The following KIF1A variants were observed in gnomAD, a reference collection of about 807,000 sequenced individuals.
The protein encoded by KIF1A is kinesin family member 1A.
Under a neutral mutation model 227.3 loss-of-function variants are expected in KIF1A, and 46 were observed. The observed-to-expected ratio is 0.20, with a 90% CI of 0.16 to 0.26. The LOEUF (loss-of-function observed/expected upper bound fraction) is 0.26. Ranked by LOEUF, KIF1A falls within the 10% of genes least tolerant of loss-of-function variation. The probability of loss-of-function intolerance (pLI) is 1.00; values close to 1 mark genes in which losing one functional copy is unlikely to be tolerated. For synonymous variants in KIF1A, 1,022 were observed against 1,012.8 expected (o/e 1.01, Z -0.17); for missense variants, 1,683 against 2,485.9 (o/e 0.68, Z 6.87).
chr2:240,809,886 TAA>T lies in KIF1A; in HGVS notation c.-61+10234_-61+10235del, dbSNP rs11336419. 3.3e-3 allele frequency among the ~76,000 whole-genome samples: 478 copies of T among 145,610 alleles called. 1 individual carries two copies. The highest frequency in any genetic ancestry group is 0.011 in the Middle Eastern group (3 of 280). ...ATGTACCCTAGAACTTAAAGTATAA[TAA>T]AAAAAAAAAAAAGAGTTTCTTGTGC... On this transcript the variant is annotated intron_variant, in intron 1 of 48. Coordinates refer to ENST00000498729, the MANE Select transcript of KIF1A (RefSeq NM_001244008.2).
Position 240,780,760 on chromosome 2 carries a change from CCACACAGCTCCACACACACACACACACA to C in KIF1A, c.882+1802_882+1829del, listed in dbSNP as rs1298922419. ...GGACACACAGTTCTCTGCAGGCTCC[CCACACAGCTCCACACACACACACACACA>C]CACACAGCTCCACACACACACACAC... On this transcript the variant is annotated intron_variant, in intron 10 of 48. Transcript: ENST00000498729. Among the ~76,000 whole-genome samples the C allele has an allele frequency of 6.2e-4, 85 of 138,200 alleles. 5 individuals carry two copies. The highest frequency in any genetic ancestry group is 8.8e-4 in the South Asian group (4 of 4,536). 90.7% of individuals were successfully genotyped at this position (138,200 alleles called of 152,430 possible).
chr2:240,788,007 G>A lies in KIF1A; in HGVS notation c.363+44C>T, dbSNP rs371817845. On this transcript the variant is annotated intron_variant, in intron 4 of 48. Coordinates refer to ENST00000498729, the MANE Select transcript of KIF1A (RefSeq NM_001244008.2). This position sits in a 1 kb window ranked among gnomAD's most constrained non-coding sequence, Gnocchi z 6.6. ...GGAGCTCTCAGCCTCAGCTGGTCCC[G>A]CCCCATCTGCCAGGGCTGCCCCCGC... 132 of 1,521,338 alleles carry A rather than the reference G, an allele frequency of 8.7e-5. No individual in the cohort carries two copies. In the Admixed American group the frequency reaches 1.6e-3, roughly 18 times the overall value. 94.2% of individuals were successfully genotyped at this position (1,521,338 alleles called of 1,614,324 possible).
intron 38 of KIF1A, chr2:240,734,852 A>G (rs1575542996): frequency 1.2e-6 from 1 of 818,676 alleles, no homozygotes; most frequent in East Asian, 6.3e-5. Context: ...GCCCACTCTG[A>G]GCCAGGGAGG....
chr2:240,744,036 A>G lies in KIF1A; in HGVS notation c.3490T>C (p.Phe1164Leu). Residue 1164 changes from phenylalanine to leucine, a missense_variant, in exon 33 of 49, where the codon TTC becomes CTC. Phe to Leu is a conservative substitution (Grantham distance 22). Around this residue, in one of 12 missense-constraint regions of KIF1A, gnomAD observed 759 missense variants for 1,020.2 expected, o/e 0.74. Transcript: ENST00000498729. Reference sequence around the variant, plus strand: ...GGCTGGCTCTTGATGTACTCAATGAAGGACTTGGTCACCTCCACTGCGATC... The same window carrying G: ...GGCTGGCTCTTGATGTACTCAATGAGGGACTTGGTCACCTCCACTGCGATC... ...QNIAVEVTKS[F>L]IEYIKSQPIV... 6.2e-7 allele frequency: 1 copy of G among 1,613,636 alleles called. No homozygotes were observed. The highest frequency in any genetic ancestry group is 1.1e-5 in the South Asian group (1 of 91,082).
chr2:240,719,735 A>G, intron 46 of KIF1A, 39 bp downstream of exon 46: 1 of 1,502,516 alleles, frequency 6.7e-7, no homozygotes, highest in Non-Finnish European at 8.9e-7. Context: ...CTGTCAGCAC[A>G]GAGCTGGTGG....
At chr2:240,718,720 A>G (rs1484972644) in intron 47 of KIF1A, among the ~76,000 whole-genome samples, 4 of 152,214 alleles carry the variant, frequency 2.6e-5, no homozygotes, top group African/African-American at 9.7e-5. Flanking sequence ...AGGAGGGGAC[A>G]TGGCTGTGGC....
intron 38 of KIF1A, among the ~76,000 whole-genome samples, chr2:240,732,763 T>G (rs1341115762): frequency 4.9e-5 from 2 of 40,422 alleles, no homozygotes; most frequent in Non-Finnish European, 4.5e-5. Context: ...TAAGGGGGAA[T>G]GAGGGAGGGA....
Position 240,813,503 on chromosome 2 carries a change from C to CT in KIF1A, c.-61+6618dup, listed in dbSNP as rs112499724. On this transcript the variant is annotated intron_variant, in intron 1 of 48. Coordinates refer to ENST00000498729, the MANE Select transcript of KIF1A (RefSeq NM_001244008.2). ...GCCATCCACCCTCCGAGGGTGGTCA[C>CT]TGCCAGTGCCCCCAGGTGAGCAGCT... Among the ~76,000 whole-genome samples, 148 of 152,340 alleles carry CT rather than the reference C, an allele frequency of 9.7e-4. 1 individual carries two copies. Among genetic ancestry groups the CT allele is most frequent in the African/African-American group, 3.5e-3 (146 of 41,578 alleles).
intron 2 of KIF1A, among the ~76,000 whole-genome samples, chr2:240,791,502 C>T (rs1231949886): frequency 8.9e-6 from 1 of 112,118 alleles, no homozygotes; most frequent in Non-Finnish European, 2.0e-5. Flanking sequence ...GGCCCCATCC[C>T]CACACCCCTT....
rs1480816373 is a variant in KIF1A at position 240,758,171 on chromosome 2, G to A, written c.2582+189C>T. Among the ~76,000 whole-genome samples, 1 of 152,220 alleles carries A rather than the reference G, an allele frequency of 6.6e-6. No homozygotes were observed. The highest frequency in any genetic ancestry group is 1.9e-4 in the East Asian group (1 of 5,200). Reference sequence around the variant, plus strand: ...CCATCCCACGTCCCCTGAAATAACAGGCCCTGTGGTGTGTGGAGAGGAATG... The same window carrying A: ...CCATCCCACGTCCCCTGAAATAACAAGCCCTGTGGTGTGTGGAGAGGAATG... On this transcript the variant is annotated intron_variant, in intron 26 of 48. Transcript: ENST00000498729. The surrounding 1 kb of genome is among the most constrained non-coding windows in gnomAD (Gnocchi z 5.2).
Position 240,757,173 on chromosome 2 carries a change from TCTC to T in KIF1A, c.2858+143_2858+145del. 1.3e-6 allele frequency: 1 copy of T among 768,104 alleles called. No homozygotes were observed. Among genetic ancestry groups the T allele is most frequent in the Non-Finnish European group, 2.1e-6 (1 of 475,820 alleles). The allele number at this position is 768,104 out of a possible 1,614,324, so 47.6% of individuals were successfully genotyped here. On this transcript the variant is annotated intron_variant, in intron 27 of 48. Coordinates refer to ENST00000498729, the MANE Select transcript of KIF1A (RefSeq NM_001244008.2). This position sits in a 1 kb window ranked among gnomAD's most constrained non-coding sequence, Gnocchi z 6.2. Reference sequence around the variant, plus strand: ...GCAGGGCCCGGGGGCCCTCGGGTGCTCTCCTCAGGAGGCCAGCCCCTCCACCTG... The same window carrying T: ...GCAGGGCCCGGGGGCCCTCGGGTGCTCTCAGGAGGCCAGCCCCTCCACCTG...
rs919386319 is a variant in KIF1A at position 240,793,876 on chromosome 2, G to A, written c.106+3771C>T. Among the ~76,000 whole-genome samples, 1 of 152,290 alleles carries A rather than the reference G, an allele frequency of 6.6e-6. No individual in the cohort carries two copies. The highest frequency in any genetic ancestry group is 2.4e-5 in the African/African-American group (1 of 41,558). On this transcript the variant is annotated intron_variant, in intron 2 of 48. Coordinates refer to ENST00000498729, the MANE Select transcript of KIF1A (RefSeq NM_001244008.2). This position sits in a 1 kb window ranked among gnomAD's most constrained non-coding sequence, Gnocchi z 4.8. ...CCGGACAGGCAGGGCAGGCTGGCCA[G>A]GTCACTTCCCCACGACATCCTCTGA...
intron 42 of KIF1A, 117 bp from the exon 43 acceptor site, chr2:240,722,773 T>C (rs766449834): frequency 1.0e-5 from 8 of 794,782 alleles, no homozygotes; most frequent in Non-Finnish European, 1.5e-5. Flanking sequence ...CACCCTCCCC[T>C]GGGCTAAGAC....
chr2:240,781,798 T>A (rs1428701262), intron 10 of KIF1A: 1 of 984,948 alleles, frequency 1.0e-6, no homozygotes, highest in African/African-American at 1.8e-5. Context: ...TGGCTCCCAC[T>A]CGGGTTCGCC....
chr2:240,741,797 T>C (rs989550868), intron 34 of KIF1A, among the ~76,000 whole-genome samples: 2 of 152,100 alleles, frequency 1.3e-5, no homozygotes, highest in Non-Finnish European at 2.9e-5. Flanking sequence ...ACTACACCTG[T>C]CCAAGCACAT....
Position 240,719,088 on chromosome 2 carries a change from T to C in KIF1A, c.5132A>G (p.Asp1711Gly). ...RRPYAYMYNS[D>G]KDTVERFVLN... ...CACGAACCGCTCCACGGTGTCCTTG[T>C]CGCTGTTGTACATGTAGGCATAGGG... is the stretch of plus-strand genomic sequence containing the variant. Residue 1711 changes from aspartate (D) to glycine (G), a missense_variant, in exon 47 of 49, where the codon GAC becomes GGC. Asp to Gly is a moderately conservative substitution (Grantham distance 94). Coordinates refer to ENST00000498729, the MANE Select transcript of KIF1A (RefSeq NM_001244008.2). The C allele has an allele frequency of 6.2e-7, 1 of 1,612,680 alleles. No homozygotes were observed. Among genetic ancestry groups the C allele is most frequent in the East Asian group, 2.2e-5 (1 of 44,854 alleles).
In KIF1A at chr2:240,761,264, C is replaced by T; in HGVS notation, c.2230G>A (p.Glu744Lys). The T allele has an allele frequency of 6.2e-7, 1 of 1,613,792 alleles. No homozygotes were observed. Among genetic ancestry groups the T allele is most frequent in the Non-Finnish European group, 8.5e-7 (1 of 1,179,782 alleles). ...LLWGNAIFLK[E>K]ANAISVELKK... ...AGCTCCACGCTGATGGCATTGGCCTCCTTGAGGAAGATGGCGTTGCCCCAC... is the reference window on the plus strand; with the variant it reads ...AGCTCCACGCTGATGGCATTGGCCTTCTTGAGGAAGATGGCGTTGCCCCAC... The change falls in exon 24 of 49, where the codon GAG (glutamate) becomes AAG (lysine). Residue 744 changes from glutamate to lysine, a missense_variant. Glu to Lys is a moderately conservative substitution (Grantham distance 56). This residue lies in a region of KIF1A where 217 missense variants were observed against 427.0 expected (regional missense o/e 0.51). Transcript: ENST00000498729.
intron 20 of KIF1A, 139 bp downstream of exon 20, chr2:240,765,571 C>T: frequency 1.5e-6 from 1 of 682,458 alleles, no homozygotes; most frequent in South Asian, 1.7e-5. Context: ...TACCCGCAGC[C>T]CCCTCCCCTA....
chr2:240,784,507 G>A (rs1169402960), intron 7 of KIF1A, among the ~76,000 whole-genome samples: 1 of 152,214 alleles, frequency 6.6e-6, no homozygotes, highest in East Asian at 1.9e-4. Context: ...TCCCGGTCAG[G>A]AGGATGTGCC....
Sources: gnomAD v4.1 joint callset for allele counts (sites outside exome capture counted in the v4.1 genomes callset) on GRCh38, gnomAD v4.1.1 for gene constraint, gnomAD v4.1.1 regional missense constraint, Gnocchi (gnomAD v3.1) non-coding constraint, MANE v1.5 for transcripts, NCBI Gene and HGNC (gene_info 2026-07-23, HGNC 2026-07-21) for gene names.